The following RANBP2 variants were observed in gnomAD, a reference collection of about 807,000 sequenced individuals.
The protein encoded by RANBP2 is RAN binding protein 2.
A neutral mutation model predicts 303.6 loss-of-function variants in RANBP2; 57 were observed. The observed-to-expected ratio is 0.19, with a 90% CI of 0.15 to 0.23. The LOEUF is 0.23. RANBP2 is among the 10% of genes least tolerant of loss of function. The pLI is 1.00. For missense variants in RANBP2, 3,138 were observed against 3,780.8 expected, an observed-to-expected ratio of 0.83 and a Z score of 4.46; for synonymous variants, 1,167 against 1,301.5, an observed-to-expected ratio of 0.90 and a Z score of 2.23.
the RANBP2 span, among the ~76,000 whole-genome samples, chr2:109,366,065 GA>G: frequency 1.3e-5 from 2 of 151,966 alleles, no homozygotes; most frequent in Non-Finnish European, 2.9e-5. Flanking sequence ...GAGATTATTT[GA>G]AAAATAGGAA....
chr2:109,369,152 G>A, the RANBP2 span, among the ~76,000 whole-genome samples: 1 of 151,710 alleles, frequency 6.6e-6, no homozygotes, highest in East Asian at 1.9e-4. Flanking sequence ...AGACCATCCT[G>A]GCCAACATGG....
At chr2:108,812,503 TG>T in the RANBP2 span, 2 of 674,552 alleles carry the variant, frequency 3.0e-6, no homozygotes, top group Admixed American at 5.6e-5. Flanking sequence ...AAGTTAATCA[TG>T]AATGCTGTCT....
At chr2:108,721,530 T>G (rs1694245724) in intron 1 of RANBP2, among the ~76,000 whole-genome samples, 1 of 152,136 alleles carries the variant, frequency 6.6e-6, no homozygotes. Context: ...ACCTTCCGCC[T>G]CCCCAGCTCA....
chr2:109,444,268 A>T, the RANBP2 span, among the ~76,000 whole-genome samples: 1 of 152,240 alleles, frequency 6.6e-6, no homozygotes. Flanking sequence ...TAAAAAATAC[A>T]GTAATTAAGT....
the RANBP2 span, among the ~76,000 whole-genome samples, chr2:109,121,324 C>T: frequency 4.6e-5 from 7 of 152,232 alleles, no homozygotes; most frequent in Middle Eastern, 0.017. Flanking sequence ...AACCAGGGAC[C>T]TGGGTATCTG....
chr2:109,592,988 T>G, the RANBP2 span: 1 of 1,143,834 alleles, frequency 8.7e-7, no homozygotes, highest in Non-Finnish European at 1.2e-6. Flanking sequence ...CTCCAAGTAG[T>G]TATTTTAAAA....
the RANBP2 span, among the ~76,000 whole-genome samples, chr2:108,944,475 G>A: frequency 6.6e-6 from 1 of 152,154 alleles, no homozygotes. Context: ...GGCAACAATG[G>A]CCATGGAGCC....
At chr2:109,515,006 C>T in the RANBP2 span, among the ~76,000 whole-genome samples, 1 of 152,042 alleles carries the variant, frequency 6.6e-6, no homozygotes, top group Non-Finnish European at 1.5e-5. Flanking sequence ...TCTGCCAACT[C>T]TCATGCCCAG....
intron 20 of RANBP2, chr2:108,769,128 A>T (rs1677316644): frequency 1.2e-6 from 1 of 837,114 alleles, no homozygotes; most frequent in African/African-American, 1.8e-5. Context: ...GAATGAAACT[A>T]CAGGGATAAA....
chr2:108,819,798 C>G, the RANBP2 span, among the ~76,000 whole-genome samples: 2 of 152,106 alleles, frequency 1.3e-5, no homozygotes, highest in African/African-American at 2.4e-5. Flanking sequence ...TACAAAGGAA[C>G]AGGGACATTG....
At chr2:109,221,779 C>T in the RANBP2 span, among the ~76,000 whole-genome samples, 1 of 152,102 alleles carries the variant, frequency 6.6e-6, no homozygotes, top group African/African-American at 2.4e-5. Flanking sequence ...AAGGCAGCCA[C>T]TATGGAAACC....
the RANBP2 span, among the ~76,000 whole-genome samples, chr2:109,398,213 GCC>G: frequency 6.6e-6 from 1 of 152,222 alleles, no homozygotes; most frequent in Non-Finnish European, 1.5e-5. Flanking sequence ...TGCAGGGCCA[GCC>G]CACGTCTTCT....
chr2:109,613,980 C>G, the RANBP2 span: 2 of 1,172,098 alleles, frequency 1.7e-6, no homozygotes, highest in Non-Finnish European at 2.1e-6. Flanking sequence ...GGGGCGGGGC[C>G]GAGCTGGAGG....
At chr2:109,629,236 A>AAATAAATAAAT in the RANBP2 span, among the ~76,000 whole-genome samples, 305 of 109,656 alleles carry the variant, frequency 2.8e-3, 3 homozygotes, top group South Asian at 0.011. Flanking sequence ...ATAAATAAAT[A>AAATAAATAAAT]AAATGCTTAA....
the RANBP2 span, among the ~76,000 whole-genome samples, chr2:109,435,383 G>A: frequency 1.3e-5 from 2 of 152,228 alleles, no homozygotes; most frequent in Non-Finnish European, 2.9e-5. Context: ...ACAGCAGAAG[G>A]CTTATCTGGC....
the RANBP2 span, among the ~76,000 whole-genome samples, chr2:109,093,878 A>G: frequency 6.6e-6 from 1 of 152,364 alleles, no homozygotes; most frequent in East Asian, 1.9e-4. Flanking sequence ...AGGCAGCACC[A>G]CAAACCCCAT....
At chr2:109,019,029 G>A in the RANBP2 span, among the ~76,000 whole-genome samples, 32 of 152,320 alleles carry the variant, frequency 2.1e-4, no homozygotes, top group African/African-American at 6.5e-4. Flanking sequence ...TCACAGAGGC[G>A]CCTGTTCTAG....
chr2:109,195,747 G>A, the RANBP2 span, among the ~76,000 whole-genome samples: 30 of 152,104 alleles, frequency 2.0e-4, no homozygotes, highest in African/African-American at 6.8e-4. Context: ...CTGATAAGGC[G>A]TTTAAAAATA....
chr2:109,621,075 A>G, the RANBP2 span, among the ~76,000 whole-genome samples: 1 of 152,200 alleles, frequency 6.6e-6, no homozygotes. Context: ...GCTTTGGCCA[A>G]AAGCAGCCTA....
Sources: gnomAD v4.1 joint callset for allele counts (sites outside exome capture counted in the v4.1 genomes callset) on GRCh38, gnomAD v4.1.1 for gene constraint, MANE v1.5 for transcripts, NCBI Gene and HGNC (gene_info 2026-07-23, HGNC 2026-07-21) for gene names.